GRHL3: variants seen among roughly 807,000 people sequenced by gnomAD.
GRHL3 encodes the protein grainyhead-like protein 3 homolog.
Under a neutral mutation model 70.3 loss-of-function variants are expected in GRHL3, and 20 were observed. The ratio of observed to expected loss-of-function variants is 0.28; its 90% CI spans 0.20 to 0.41. The LOEUF (loss-of-function observed/expected upper bound fraction) is 0.41. Ranked by LOEUF, GRHL3 falls within the 10% of genes least tolerant of loss-of-function variation. The probability of loss-of-function intolerance (pLI) is 1.00; values close to 1 mark genes in which losing one functional copy is unlikely to be tolerated. For missense variants in GRHL3, 637 were observed against 762.3 expected, an observed-to-expected ratio of 0.84 and a Z score of 1.94; for synonymous variants, 299 against 299.9, an observed-to-expected ratio of 1.00 and a Z score of 0.03.
rs1366036460 is a variant in GRHL3 at position 24,319,568 on chromosome 1, A to G, written c.17A>G (p.Asp6Gly). 1 of 1,613,884 alleles carries G rather than the reference A, an allele frequency of 6.2e-7. No individual in the cohort carries two copies. The highest frequency in any genetic ancestry group is 1.1e-5 in the South Asian group (1 of 91,084). MSNELDFRSVRLLKND... is the reference protein window; with the variant it reads MSNELGFRSVRLLKND... ...AGCAGGAAGATGTCGAATGAACTTG[A>G]GTGAGTAAACATCGGTGGATACCTG... The change falls in exon 1 of 16, where the codon GAT becomes GGT. Residue 6 changes from aspartate (D) to glycine (G), a missense_variant and splice_region_variant. By Grantham distance (94) the Asp-to-Gly change is moderately conservative. This residue lies in a region of GRHL3 where 250 missense variants were observed against 248.6 expected (regional missense o/e 1.01). Coordinates refer to ENST00000361548, the MANE Select transcript of GRHL3 (RefSeq NM_198173.3).
chr1:24,328,724 C>T (rs1280887035), intron 1 of GRHL3, among the ~76,000 whole-genome samples: 3 of 152,176 alleles, frequency 2.0e-5, no homozygotes, highest in Non-Finnish European at 4.4e-5. Flanking sequence ...CCCAAGCTGA[C>T]CTGGAACACA....
intron 2 of GRHL3, 41 bp downstream of exon 2, chr1:24,331,653 T>C (rs777730580): frequency 9.0e-6 from 14 of 1,561,382 alleles, no homozygotes; most frequent in Non-Finnish European, 1.2e-5. Flanking sequence ...TTTGACTGAA[T>C]GGGTGTCTTC....
intron 11 of GRHL3, among the ~76,000 whole-genome samples, chr1:24,344,071 G>A (rs191384614): frequency 1.3e-5 from 2 of 152,320 alleles, no homozygotes; most frequent in Admixed American, 6.5e-5. Context: ...TGACCACTCA[G>A]GGTGAAGGCC....
rs1448639946 is a variant in GRHL3, at chr1:24,321,385, T to A, written c.17+1817T>A. 1.3e-5 allele frequency among the ~76,000 whole-genome samples: 2 copies of A among 152,218 alleles called. No homozygotes were observed. Among genetic ancestry groups the A allele is most frequent in the African/African-American group, 4.8e-5 (2 of 41,460 alleles). ...CAGAGCCTGGGGGCTCAGCTGCCCC[T>A]ACTGGTAAGGGGAGGGCACCCGGCG... On this transcript the variant is annotated intron_variant, in intron 1 of 15. Transcript: ENST00000361548. The surrounding 1 kb of genome is among the most constrained non-coding windows in gnomAD (Gnocchi z 4.0).
chr1:24,346,068 G>A (rs1360253291), intron 12 of GRHL3, among the ~76,000 whole-genome samples: 12 of 152,056 alleles, frequency 7.9e-5, no homozygotes, highest in African/African-American at 2.4e-4. Context: ...GAAAGTCACC[G>A]CAGCAGGACT....
chr1:24,347,376 A>T (rs6691722), intron 13 of GRHL3, 92 bp from the exon 14 acceptor site: 7 of 1,117,490 alleles, frequency 6.3e-6, no homozygotes, highest in Non-Finnish European at 8.2e-6. Flanking sequence ...AGCAGAAGTC[A>T]ATCTTCAAGT....
intron 2 of GRHL3, among the ~76,000 whole-genome samples, chr1:24,332,581 C>A (rs1639652557): frequency 6.6e-6 from 1 of 152,208 alleles, no homozygotes; most frequent in Non-Finnish European, 1.5e-5. Flanking sequence ...CCCTACTTAT[C>A]TGTCTGAATT....
Position 24,342,222 on chromosome 1 carries a change from T to A in GRHL3, c.1155T>A (p.Thr385=), listed in dbSNP as rs747913354. Residue 385 remains threonine, a synonymous_variant, in exon 9 of 16, where the codon ACT becomes ACA. Transcript: ENST00000361548. The surrounding 1 kb of genome is among the most constrained non-coding windows in gnomAD (Gnocchi z 4.8). ...QIDTYDCGLG[T]ERLVHRAVCQ... ...ACACCTATGACTGTGGCTTGGGCAC[T>A]GAGCGCCTGGTACACCGTGCTGTCT... 6.2e-7 allele frequency: 1 copy of A among 1,613,414 alleles called. No homozygotes were observed. Among genetic ancestry groups the A allele is most frequent in the Non-Finnish European group, 8.5e-7 (1 of 1,179,620 alleles).
At chr1:24,349,682 G>C (rs985220959) in intron 14 of GRHL3, among the ~76,000 whole-genome samples, 1 of 152,200 alleles carries the variant, frequency 6.6e-6, no homozygotes, top group Non-Finnish European at 1.5e-5. Context: ...CAAGTTCAGG[G>C]AAATGGTAGA....
At chr1:24,338,154 C>A in intron 7 of GRHL3, 51 bp downstream of exon 7, 1 of 1,241,002 alleles carries the variant, frequency 8.1e-7, no homozygotes, top group African/African-American at 1.5e-5. Flanking sequence ...CTCCCCACCC[C>A]CGCATCAATC....
chr1:24,350,253 G>A (rs771534370), intron 15 of GRHL3, 131 bp downstream of exon 15: 2 of 650,874 alleles, frequency 3.1e-6, no homozygotes, highest in Non-Finnish European at 5.4e-6. Context: ...AAAGCCACTG[G>A]TCACCTCTCC....
chr1:24,357,899 C>T, downstream of GRHL3: 1 of 322,776 alleles, frequency 3.1e-6, no homozygotes, highest in Non-Finnish European at 6.1e-6. Flanking sequence ...CCGGCCACTG[C>T]CATTCCAAGA....
rs769527584 is a variant in GRHL3 at position 24,337,169 on chromosome 1, G to C, written c.686+18G>C. On this transcript the variant is annotated intron_variant, in intron 5 of 15. Transcript: ENST00000361548. The stretch of plus-strand genomic sequence containing the variant: ...CTCAAAAGGTAACTTGGTCTCCCTG[G>C]ACCCTCAGACACCTGGGCAGTGGGC... The C allele has an allele frequency of 4.0e-5, 63 of 1,592,106 alleles. 1 individual carries two copies. Among genetic ancestry groups the C allele is most frequent in the Middle Eastern group, 1.7e-4 (1 of 6,030 alleles).
chr1:24,337,905 G>T (rs766593346), intron 6 of GRHL3, 87 bp from the exon 7 acceptor site: 37 of 1,557,552 alleles, frequency 2.4e-5, no homozygotes, highest in Non-Finnish European at 3.1e-5. Context: ...TTGCCACAGG[G>T]TTGGGGAAAC....
chr1:24,361,623 GGGAGGCA>G (rs1291832487), intron 15 of GRHL3, among the ~76,000 whole-genome samples: 3 of 152,220 alleles, frequency 2.0e-5, no homozygotes, highest in Admixed American at 6.5e-5. Context: ...TATCATCCTG[GGGAGGCA>G]GGAGGCAGGA....
At chr1:24,336,875 A>G (rs751730977) in intron 4 of GRHL3, 48 bp downstream of exon 4, 1 of 1,424,368 alleles carries the variant, frequency 7.0e-7, no homozygotes, top group Non-Finnish European at 9.7e-7. Context: ...GTGTGTGCAT[A>G]TACAGAATGA....
chr1:24,344,783 C>A, intron 11 of GRHL3, 114 bp from the exon 12 acceptor site: 1 of 1,125,638 alleles, frequency 8.9e-7, no homozygotes, highest in Non-Finnish European at 1.3e-6. Context: ...GGCATTGTAA[C>A]AGTATTCTCC....
chr1:24,328,166 C>T (rs1188105056), intron 1 of GRHL3, among the ~76,000 whole-genome samples: 1 of 152,210 alleles, frequency 6.6e-6, no homozygotes, highest in Non-Finnish European at 1.5e-5. Flanking sequence ...GGAAAGGCAT[C>T]TAGAAAAGAG....
chr1:24,344,558 A>G (rs1308542165), intron 11 of GRHL3, among the ~76,000 whole-genome samples: 2 of 148,188 alleles, frequency 1.3e-5, no homozygotes, highest in Non-Finnish European at 3.0e-5. Context: ...CCAACTGCCT[A>G]GTTACCGGCC....
Sources: gnomAD v4.1 joint callset for allele counts (sites outside exome capture counted in the v4.1 genomes callset) on GRCh38, gnomAD v4.1.1 for gene constraint, gnomAD v4.1.1 regional missense constraint, Gnocchi (gnomAD v3.1) non-coding constraint, MANE v1.5 for transcripts, NCBI Gene and HGNC (gene_info 2026-07-23, HGNC 2026-07-21) for gene names.